NOS1AP: variants seen among roughly 807,000 people sequenced by gnomAD.
The protein encoded by NOS1AP is nitric oxide synthase 1 adaptor protein.
NOS1AP carries 21 observed loss-of-function variants against 56.2 expected under a neutral mutation model. The observed-to-expected ratio is 0.37, with a 90% CI of 0.26 to 0.54. The LOEUF (loss-of-function observed/expected upper bound fraction) is 0.54, where lower values mean the gene tolerates loss of function less well. NOS1AP is among the 20% of genes least tolerant of loss of function. The pLI, the probability that NOS1AP is intolerant of heterozygous loss-of-function variation, is 0.84. For synonymous variants in NOS1AP, 270 were observed against 274.6 expected, an observed-to-expected ratio of 0.98 and a Z score of 0.17; for missense variants, 522 against 657.8, an observed-to-expected ratio of 0.79 and a Z score of 2.26.
intron 2 of NOS1AP, among the ~76,000 whole-genome samples, chr1:162,161,093 C>T (rs1293985798): frequency 6.6e-6 from 1 of 152,204 alleles, no homozygotes; most frequent in Non-Finnish European, 1.5e-5. Context: ...GACTCTCCTG[C>T]ACCTCCATCG....
At chr1:162,306,682 A>G (rs1655840684) in intron 4 of NOS1AP, among the ~76,000 whole-genome samples, 1 of 152,204 alleles carries the variant, frequency 6.6e-6, no homozygotes, top group South Asian at 2.1e-4. Context: ...CACACCTATA[A>G]TCTCAGCACT....
chr1:162,128,757 GA>G lies in NOS1AP; in HGVS notation c.106-25639del, dbSNP rs201746366. Among the ~76,000 whole-genome samples the G allele has an allele frequency of 7.6e-4, 114 of 149,214 alleles. 3 individuals carry two copies. The East Asian group carries it at 0.022, about 29-fold the overall frequency. On this transcript the variant is annotated intron_variant, in intron 1 of 9. Transcript: ENST00000361897. ...TTAGCCTATGAATTCTACAAACAGG[GA>G]AAAAAAAATCTGTTTCACATCCCAC... is the stretch of plus-strand genomic sequence containing the variant.
intron 4 of NOS1AP, among the ~76,000 whole-genome samples, chr1:162,332,458 G>A (rs1319383426): frequency 6.6e-6 from 1 of 152,174 alleles, no homozygotes; most frequent in Non-Finnish European, 1.5e-5. Flanking sequence ...CTGGCCCACA[G>A]TGTGCACTCA....
chr1:162,355,680 G>GCACA (rs4038779), intron 7 of NOS1AP, among the ~76,000 whole-genome samples: 89,505 of 150,880 alleles, frequency 0.59, 27,297 homozygotes, highest in East Asian at 0.72. Flanking sequence ...GCTCACTCTG[G>GCACA]CACACACACA....
intron 2 of NOS1AP, among the ~76,000 whole-genome samples, chr1:162,260,179 A>C (rs1033224744): frequency 2.0e-5 from 3 of 152,110 alleles, no homozygotes; most frequent in African/African-American, 4.8e-5. Flanking sequence ...TGAAATATAT[A>C]CGACTGAGAG....
intron 2 of NOS1AP, among the ~76,000 whole-genome samples, chr1:162,286,540 TACAC>T (rs1411869830): frequency 3.9e-5 from 6 of 152,176 alleles, no homozygotes; most frequent in African/African-American, 1.4e-4. Flanking sequence ...TATGAATAGC[TACAC>T]AAGTGTTAAG....
At chr1:162,252,855 T>G (rs1000923037) in intron 2 of NOS1AP, among the ~76,000 whole-genome samples, 1 of 152,212 alleles carries the variant, frequency 6.6e-6, no homozygotes. Context: ...CCATTTCAAG[T>G]GCCCAGAAAC....
intron 1 of NOS1AP, among the ~76,000 whole-genome samples, chr1:162,136,364 T>C (rs1265276645): frequency 6.6e-6 from 1 of 152,188 alleles, no homozygotes; most frequent in African/African-American, 2.4e-5. Flanking sequence ...ACTCCCTTAA[T>C]CTTATCTAAC....
chr1:162,179,147 G>A (rs186311701), intron 2 of NOS1AP, among the ~76,000 whole-genome samples: 4 of 152,134 alleles, frequency 2.6e-5, no homozygotes, highest in African/African-American at 7.2e-5. Flanking sequence ...CGTAGTTACT[G>A]GGTATTTATT....
intron 1 of NOS1AP, among the ~76,000 whole-genome samples, chr1:162,113,632 G>C (rs1647799185): frequency 6.6e-6 from 1 of 152,154 alleles, no homozygotes; most frequent in Admixed American, 6.5e-5. Context: ...AGGAAGTGGT[G>C]GGGGTAGGGA....
chr1:162,229,812 G>C (rs1429445377), intron 2 of NOS1AP, among the ~76,000 whole-genome samples: 2 of 152,092 alleles, frequency 1.3e-5, no homozygotes, highest in Middle Eastern at 3.2e-3. Context: ...ACTGAAAATA[G>C]AGGAGGAGGG....
chr1:162,081,774 A>ATATATATATATTTTTTTTTTTTTTTTTT, intron 1 of NOS1AP, among the ~76,000 whole-genome samples: 2 of 44,060 alleles, frequency 4.5e-5, no homozygotes, highest in African/African-American at 1.5e-4. Context: ...ATATATATAT[A>ATATATATATATTTTTTTTTTTTTTTTTT]TTTTTTTTTT....
chr1:162,356,960 G>T lies in NOS1AP; in HGVS notation c.763G>T (p.Val255Phe). Reference protein sequence around the residue: ...KEGGSHTGSKVSHPQEPMLTA... With the variant: ...KEGGSHTGSKFSHPQEPMLTA... ...GTCCTGTCTTCTCCTTCTCCTCCAG[G>T]TTTCGCACCCCCAGGAGCCCATGCT... The change falls in exon 8 of 10, where the codon GTT becomes TTT. Residue 255 changes from valine (V) to phenylalanine (F), a missense_variant and splice_region_variant. This residue lies in a region of NOS1AP where 178 missense variants were observed against 165.0 expected (regional missense o/e 1.08). Coordinates refer to ENST00000361897, the MANE Select transcript of NOS1AP (RefSeq NM_014697.3). 6.2e-7 allele frequency: 1 copy of T among 1,614,040 alleles called. No homozygotes were observed. Among genetic ancestry groups the T allele is most frequent in the African/African-American group, 1.3e-5 (1 of 75,034 alleles).
chr1:162,364,231 C>T, intron 8 of NOS1AP: 9 of 985,540 alleles, frequency 9.1e-6, no homozygotes, highest in Non-Finnish European at 1.1e-5. Context: ...TCCCACCTCT[C>T]CTGCCCCCAC....
At chr1:162,185,141 A>G (rs1176900475) in intron 2 of NOS1AP, among the ~76,000 whole-genome samples, 1 of 152,184 alleles carries the variant, frequency 6.6e-6, no homozygotes, top group Non-Finnish European at 1.5e-5. Flanking sequence ...TTCCATAGAT[A>G]TATCTCTTCT....
Position 162,350,000 on chromosome 1 carries a change from A to T in NOS1AP, c.596-5187A>T, listed in dbSNP as rs1378271790. On this transcript the variant is annotated intron_variant, in intron 6 of 9. Transcript: ENST00000361897. ...ACGTTTTCACTGTCTATAAACTGCT[A>T]GGAATGTGTTTCTTCTTACTGTAAA... Among the ~76,000 whole-genome samples, 4 of 152,330 alleles carry T rather than the reference A, an allele frequency of 2.6e-5. No individual in the cohort carries two copies. The East Asian group carries it at 7.7e-4, about 29-fold the overall frequency.
chr1:162,130,066 T>C (rs76595612), intron 1 of NOS1AP, among the ~76,000 whole-genome samples: 279 of 152,324 alleles, frequency 1.8e-3, no homozygotes, highest in Non-Finnish European at 3.2e-3. Flanking sequence ...ACCAATTTAG[T>C]GCTGCAATGT....
At chr1:162,243,924 T>A (rs1420875712) in intron 2 of NOS1AP, among the ~76,000 whole-genome samples, 2 of 152,212 alleles carry the variant, frequency 1.3e-5, no homozygotes, top group Non-Finnish European at 2.9e-5. Flanking sequence ...TGGTATTGCC[T>A]GTGGCCTGTC....
chr1:162,310,723 T>C (rs1390903846), intron 4 of NOS1AP, among the ~76,000 whole-genome samples: 1 of 152,216 alleles, frequency 6.6e-6, no homozygotes. Flanking sequence ...TTATTCATCC[T>C]GGTAGATGAT....
Sources: allele counts gnomAD v4.1 joint callset (sites outside exome capture counted in the v4.1 genomes callset), GRCh38; gene constraint gnomAD v4.1.1; regional missense constraint gnomAD v4.1.1; transcripts MANE v1.5; gene names NCBI Gene and HGNC (gene_info 2026-07-23, HGNC 2026-07-21).